MLPH: variants seen among roughly 807,000 people sequenced by gnomAD.
The protein encoded by MLPH is melanophilin.
A neutral mutation model predicts 72.1 loss-of-function variants in MLPH; 51 were observed. The observed-to-expected ratio is 0.71, with a 90% CI of 0.56 to 0.89. The LOEUF (loss-of-function observed/expected upper bound fraction) is 0.89, where lower values mean the gene tolerates loss of function less well. Among genes scored for constraint, MLPH ranks in the 40% least tolerant of loss-of-function variants. MLPH has a pLI of 0.00. For synonymous variants in MLPH, 301 were observed against 310.1 expected (o/e 0.97, Z 0.31); for missense variants, 743 against 759.9 (o/e 0.98, Z 0.26).
At position 237,551,438 on chromosome 2, in the gene MLPH, G is replaced by A. The variant is rs560410174; in HGVS notation, c.1676-899G>A. On this transcript the variant is annotated intron_variant, in intron 14 of 15. Transcript: ENST00000264605. ...AAGCTCCCAGCTGATGTCACCGAGC[G>A]TGGGGTCAGGAAGAGGTGCCCACAG... Among the ~76,000 whole-genome samples, 16 of 152,374 alleles carry A rather than the reference G, an allele frequency of 1.1e-4. No individual in the cohort carries two copies. The South Asian group carries it at 2.7e-3, about 26-fold the overall frequency.
chr2:237,524,806 T>C (rs10176035), intron 6 of MLPH, among the ~76,000 whole-genome samples: 25,479 of 152,250 alleles, frequency 0.17, 2,375 homozygotes, highest in African/African-American at 0.23. Flanking sequence ...ATAGTGAACT[T>C]CTGAACTCCA....
In MLPH at chr2:237,540,425, C is replaced by T. The variant is rs1553601827; in HGVS notation, c.1182C>T (p.Ser394=). Residue 394 remains serine (S), a synonymous_variant, in exon 10 of 16, where the codon AGC becomes AGT. Coordinates refer to ENST00000264605, the MANE Select transcript of MLPH (RefSeq NM_024101.7). The stretch of plus-strand genomic sequence containing the variant: ...GGAGGAAGCTGGAGGAGCTGACCAG[C>T]AACGTCAGTGACCAGGAGACCTCGT... ...ALRRKLEELT[S]NVSDQETSSE... is the part of the protein sequence containing the mutation. The T allele has an allele frequency of 8.1e-6, 13 of 1,613,382 alleles. No homozygotes were observed. The South Asian group carries it at 8.8e-5, about 11-fold the overall frequency.
chr2:237,536,214 T>C (rs2080527585), intron 9 of MLPH, among the ~76,000 whole-genome samples: 1 of 152,122 alleles, frequency 6.6e-6, no homozygotes, highest in African/African-American at 2.4e-5. Flanking sequence ...CCCCAAGGGC[T>C]ACCCCTGCAC....
chr2:237,517,481 G>A (rs1257760903), intron 4 of MLPH, among the ~76,000 whole-genome samples: 2 of 151,636 alleles, frequency 1.3e-5, no homozygotes, highest in East Asian at 2.0e-4. Flanking sequence ...ATAGATAAGT[G>A]GATGGGTGGA....
chr2:237,527,364 T>A lies in MLPH; in HGVS notation c.881-13T>A, dbSNP rs534557007. On this transcript the variant is annotated splice_polypyrimidine_tract_variant and intron_variant, in intron 7 of 15. Transcript: ENST00000264605. ...TTCACTGCAAGTAATTCAAACCCACTCTCGCTCTGAAGGGTCGAATGTCAT... is the reference window on the plus strand; with the variant it reads ...TTCACTGCAAGTAATTCAAACCCACACTCGCTCTGAAGGGTCGAATGTCAT... 5.0e-6 allele frequency: 8 copies of A among 1,614,148 alleles called. No homozygotes were observed. In the East Asian group the frequency reaches 1.3e-4, roughly 27 times the overall value.
intron 1 of MLPH, among the ~76,000 whole-genome samples, chr2:237,490,372 G>A (rs907501230): frequency 1.3e-5 from 2 of 152,170 alleles, no homozygotes; most frequent in Non-Finnish European, 2.9e-5. Context: ...GATAGAATGG[G>A]GGAGGGACAG....
rs374476015 is a variant in MLPH, at chr2:237,550,510, C to T, written c.1675+1232C>T. Reference sequence around the variant, plus strand: ...CATGTGCTGGCTCTGCGGGGAGTTTCCTGCACATCTCGTGGGCTGAAATCC... The same window carrying T: ...CATGTGCTGGCTCTGCGGGGAGTTTTCTGCACATCTCGTGGGCTGAAATCC... On this transcript the variant is annotated intron_variant, in intron 14 of 15. Coordinates refer to ENST00000264605, the MANE Select transcript of MLPH (RefSeq NM_024101.7). 6.3e-4 allele frequency among the ~76,000 whole-genome samples: 96 copies of T among 152,254 alleles called. 1 individual carries two copies. In the South Asian group the frequency reaches 0.019, roughly 30 times the overall value.
chr2:237,544,416 TC>T (rs1236405624), intron 12 of MLPH, among the ~76,000 whole-genome samples: 2 of 34,556 alleles, frequency 5.8e-5, no homozygotes, highest in Non-Finnish European at 9.3e-5. Flanking sequence ...CAGTGGTGAG[TC>T]GGGGGACAGT....
intron 10 of MLPH, 50 bp from the exon 11 acceptor site, chr2:237,540,752 C>A (rs1044825582): frequency 8.1e-6 from 13 of 1,605,140 alleles, no homozygotes; most frequent in Non-Finnish European, 1.1e-5. Flanking sequence ...CTGGGTGAAA[C>A]CCCACACTCC....
At position 237,520,180 on chromosome 2, in the gene MLPH, A is replaced by T. The variant is rs55919896; in HGVS notation, c.675+151A>T. On this transcript the variant is annotated intron_variant, in intron 6 of 15. Coordinates refer to ENST00000264605, the MANE Select transcript of MLPH (RefSeq NM_024101.7). ...CAAGGCATGACAGGGAAGGGGACCG[A>T]TGTGGGAAGACAGGATCCAGAGACC... 0.17 allele frequency: 168,202 copies of T among 985,864 alleles called. 15,924 individuals carry two copies. The highest frequency in any genetic ancestry group is 0.27 in the African/African-American group (16,632 of 61,882). 61.1% of individuals were successfully genotyped at this position (985,864 alleles called of 1,614,324 possible).
chr2:237,495,095 A>T (rs2079508767), intron 2 of MLPH, among the ~76,000 whole-genome samples: 1 of 152,112 alleles, frequency 6.6e-6, no homozygotes, highest in Non-Finnish European at 1.5e-5. Flanking sequence ...GGCCATCAGC[A>T]CAATGTCTAA....
chr2:237,545,188 C>CAGTGGTTAGTGGGGGG (rs1559377413), intron 12 of MLPH, among the ~76,000 whole-genome samples: 1 of 8,732 alleles, frequency 1.1e-4, no homozygotes, highest in Non-Finnish European at 1.8e-4. Context: ...GAGTGGAGGG[C>CAGTGGTTAGTGGGGGG]ACAGTGGTGA....
Position 237,527,376 on chromosome 2 carries a change from G to A in MLPH, c.881-1G>A. ...AATTCAAACCCACTCTCGCTCTGAA[G>A]GGTCGAATGTCATCAGGAATGAGCA... On this transcript the variant is annotated splice_acceptor_variant, in intron 7 of 15. Transcript: ENST00000264605. LOFTEE classifies it high-confidence loss of function. 1 of 1,614,188 alleles carries A rather than the reference G, an allele frequency of 6.2e-7. No homozygotes were observed. Among genetic ancestry groups the A allele is most frequent in the African/African-American group, 1.3e-5 (1 of 75,026 alleles).
At position 237,510,898 on chromosome 2, in the gene MLPH, C is replaced by T; in HGVS notation, c.333-91C>T. ...AAGGGTGGACGCACACATGCACACA[C>T]TCGTGTGTGTGTGTGTGTGTGTGTG... On this transcript the variant is annotated intron_variant, in intron 3 of 15. Coordinates refer to ENST00000264605, the MANE Select transcript of MLPH (RefSeq NM_024101.7). This position sits in a 1 kb window ranked among gnomAD's most constrained non-coding sequence, Gnocchi z 4.4. 1 of 1,411,398 alleles carries T rather than the reference C, an allele frequency of 7.1e-7. No individual in the cohort carries two copies. Among genetic ancestry groups the T allele is most frequent in the Non-Finnish European group, 9.7e-7 (1 of 1,025,870 alleles). The allele number at this position is 1,411,398 out of a possible 1,614,324, so 87.4% of individuals were successfully genotyped here.
chr2:237,553,972 AAG>A lies in MLPH; in HGVS notation c.*382_*383del. 1 of 386,686 alleles carries A rather than the reference AAG, an allele frequency of 2.6e-6. No homozygotes were observed. The highest frequency in any genetic ancestry group is 5.0e-6 in the Non-Finnish European group (1 of 200,844). 24.0% of individuals were successfully genotyped at this position (386,686 alleles called of 1,614,324 possible). ...TTGCTTTCATGAATGGAATGGAAAA[AAG>A]ATGACTCAGTTAAGGCACCAGCCAT... On this transcript the variant is annotated 3_prime_UTR_variant, in exon 16 of 16. Transcript: ENST00000264605.
chr2:237,548,145 T>A (rs2080957728), intron 13 of MLPH, among the ~76,000 whole-genome samples: 1 of 152,142 alleles, frequency 6.6e-6, no homozygotes, highest in Admixed American at 6.5e-5. Flanking sequence ...GTGAGCTTGA[T>A]CAAGATCACA....
intron 6 of MLPH, 75 bp downstream of exon 6, chr2:237,520,104 G>A: frequency 6.3e-7 from 1 of 1,599,906 alleles, no homozygotes; most frequent in Non-Finnish European, 8.5e-7. Context: ...CCAGGTGAGG[G>A]ACAGCACTCT....
chr2:237,542,648 T>G lies in MLPH; in HGVS notation c.1528T>G (p.Ser510Ala), dbSNP rs534915272. 6.5e-7 allele frequency: 1 copy of G among 1,545,496 alleles called. No homozygotes were observed. The highest frequency in any genetic ancestry group is 1.9e-5 in the Admixed American group (1 of 53,632). Residue 510 changes from serine to alanine, a missense_variant, in exon 12 of 16, where the codon TCA becomes GCA. Physicochemically the swap from Ser to Ala is moderately conservative, Grantham distance 99. Transcript: ENST00000264605. ...VKPSGKPRRK[S>A]NLPIFLPRVA... is the part of the protein sequence containing the mutation. ...GCCCTCGGGAAAGCCCCGGAGGAAG[T>G]CAAACCTCCCGGTGAGTGGGGGGCA...
At position 237,553,751 on chromosome 2, in the gene MLPH, C is replaced by G; in HGVS notation, c.*159C>G. The G allele has an allele frequency of 4.2e-6, 4 of 953,280 alleles. No individual in the cohort carries two copies. Among genetic ancestry groups the G allele is most frequent in the Non-Finnish European group, 6.9e-6 (4 of 578,726 alleles). 59.1% of individuals were successfully genotyped at this position (953,280 alleles called of 1,614,324 possible). ...ACATGGACTCCCACCTGCAAGTGGA[C>G]AGCGACATTCAGTCCTGCACTGCTC... is the stretch of plus-strand genomic sequence containing the variant. On this transcript the variant is annotated 3_prime_UTR_variant, in exon 16 of 16. Transcript: ENST00000264605.
Sources: gnomAD v4.1 joint callset for allele counts (sites outside exome capture counted in the v4.1 genomes callset) on GRCh38, gnomAD v4.1.1 for gene constraint, Gnocchi (gnomAD v3.1) non-coding constraint, MANE v1.5 for transcripts, NCBI Gene and HGNC (gene_info 2026-07-23, HGNC 2026-07-21) for gene names.